The following RNF13 variants were observed in gnomAD, a reference collection of about 807,000 sequenced individuals.
The protein encoded by RNF13 is E3 ubiquitin-protein ligase RNF13.
RNF13 carries 19 observed loss-of-function variants against 37.7 expected under a neutral mutation model. That is an observed-to-expected ratio of 0.50 (90% CI 0.35 to 0.74). RNF13 has a LOEUF of 0.74. Among genes scored for constraint, RNF13 ranks in the 30% least tolerant of loss-of-function variants. RNF13 has a pLI of 0.01. For synonymous variants in RNF13, 144 were observed against 157.8 expected, an observed-to-expected ratio of 0.91 and a Z score of 0.65; for missense variants, 375 against 453.0, an observed-to-expected ratio of 0.83 and a Z score of 1.56.
At chr3:149,944,892 T>C (rs1465766591) in intron 8 of RNF13, among the ~76,000 whole-genome samples, 2 of 152,196 alleles carry the variant, frequency 1.3e-5, no homozygotes, top group East Asian at 3.9e-4. Context: ...CCCATGCCTA[T>C]GTCCTGAATG....
At chr3:149,826,588 T>G (rs1360844411) in intron 1 of RNF13, among the ~76,000 whole-genome samples, 1 of 152,190 alleles carries the variant, frequency 6.6e-6, no homozygotes, top group Non-Finnish European at 1.5e-5. Context: ...TCTTAATATT[T>G]TCGTGTATTT....
At chr3:149,845,912 T>C in intron 1 of RNF13, 99 bp from the exon 2 acceptor site, 1 of 606,048 alleles carries the variant, frequency 1.7e-6, no homozygotes, top group Non-Finnish European at 2.9e-6. Context: ...TGTTTATAAT[T>C]AAAAGGGATA....
chr3:149,818,421 C>T (rs751850217), intron 1 of RNF13, among the ~76,000 whole-genome samples: 3 of 152,132 alleles, frequency 2.0e-5, no homozygotes, highest in Admixed American at 6.6e-5. Flanking sequence ...CTTTCTTATT[C>T]GCATTTGTCT....
At chr3:149,854,970 C>T (rs1576768724) in intron 3 of RNF13, among the ~76,000 whole-genome samples, 1 of 152,052 alleles carries the variant, frequency 6.6e-6, no homozygotes, top group Non-Finnish European at 1.5e-5. Context: ...AGGTGGAATG[C>T]GTAGTGGGTT....
chr3:149,910,718 A>G (rs904362475), intron 6 of RNF13, among the ~76,000 whole-genome samples: 11 of 152,212 alleles, frequency 7.2e-5, no homozygotes, highest in Admixed American at 4.6e-4. Flanking sequence ...GCAGTGGATA[A>G]CAGAGTAGCT....
intron 8 of RNF13, among the ~76,000 whole-genome samples, chr3:149,953,499 T>C (rs1027603259): frequency 2.6e-5 from 4 of 152,212 alleles, no homozygotes; most frequent in African/African-American, 9.6e-5. Context: ...GTTAAATATC[T>C]GAAGAAAAAA....
At chr3:149,928,162 A>G (rs916383849) in intron 8 of RNF13, among the ~76,000 whole-genome samples, 2 of 152,034 alleles carry the variant, frequency 1.3e-5, no homozygotes, top group Admixed American at 1.3e-4. Context: ...TCAAAATTCC[A>G]AGAACTTTTT....
chr3:149,877,143 T>C (rs187415307), intron 4 of RNF13, among the ~76,000 whole-genome samples: 12 of 152,254 alleles, frequency 7.9e-5, no homozygotes, highest in African/African-American at 2.9e-4. Context: ...GAGAAAAATA[T>C]CATGTTTTAG....
chr3:149,885,725 C>T (rs535620938), intron 4 of RNF13, among the ~76,000 whole-genome samples: 2 of 152,166 alleles, frequency 1.3e-5, no homozygotes, highest in East Asian at 3.9e-4. Context: ...GCGTGGAAGG[C>T]TTTTATCTTG....
intron 6 of RNF13, among the ~76,000 whole-genome samples, chr3:149,904,735 T>G (rs1276357235): frequency 6.6e-6 from 1 of 151,792 alleles, no homozygotes; most frequent in African/African-American, 2.4e-5. Flanking sequence ...ATCATCCATC[T>G]TGTCCATCTT....
In RNF13 at chr3:149,847,167, T is replaced by G. The variant is rs966022597; in HGVS notation, c.114+1027T>G. 2.0e-5 allele frequency among the ~76,000 whole-genome samples: 3 copies of G among 152,194 alleles called. No individual in the cohort carries two copies. In the South Asian group the frequency reaches 6.2e-4, roughly 31 times the overall value. ...AAGTTGAAAATATCATAAGTAGAAT[T>G]TGACTTATGAAACATTTTTGACTTA... On this transcript the variant is annotated intron_variant, in intron 2 of 9. Coordinates refer to ENST00000392894, the MANE Select transcript of RNF13 (RefSeq NM_183381.3).
At chr3:149,914,701 A>G (rs1005764031) in intron 7 of RNF13, among the ~76,000 whole-genome samples, 1 of 151,988 alleles carries the variant, frequency 6.6e-6, no homozygotes, top group Non-Finnish European at 1.5e-5. Context: ...TTGGGAGGCC[A>G]AGGCGGGCGG....
chr3:149,835,102 G>T (rs1166989164), intron 1 of RNF13, among the ~76,000 whole-genome samples: 1 of 151,936 alleles, frequency 6.6e-6, no homozygotes, highest in African/African-American at 2.4e-5. Context: ...CACAACATTG[G>T]AATTGTCAAT....
chr3:149,873,253 G>A (rs1712293220), intron 4 of RNF13, among the ~76,000 whole-genome samples: 2 of 152,054 alleles, frequency 1.3e-5, no homozygotes, highest in Non-Finnish European at 2.9e-5. Flanking sequence ...GTAATTTCTG[G>A]ACTCGGTACA....
intron 4 of RNF13, among the ~76,000 whole-genome samples, chr3:149,880,266 G>A (rs2108459359): frequency 6.6e-6 from 1 of 152,266 alleles, no homozygotes; most frequent in Non-Finnish European, 1.5e-5. Context: ...CTGAAATGGG[G>A]CCTCTGCTAT....
chr3:149,890,299 C>T (rs1291419153), intron 4 of RNF13, among the ~76,000 whole-genome samples: 3 of 152,176 alleles, frequency 2.0e-5, no homozygotes, highest in Non-Finnish European at 4.4e-5. Context: ...CATGTCAACC[C>T]CTTATTCAAG....
At chr3:149,856,241 G>A (rs968699345) in intron 3 of RNF13, among the ~76,000 whole-genome samples, 10 of 152,042 alleles carry the variant, frequency 6.6e-5, no homozygotes, top group African/African-American at 1.4e-4. Context: ...TTATAGTTGC[G>A]TGACTGGTTT....
intron 4 of RNF13, chr3:149,893,744 G>A (rs1714957024): frequency 6.6e-6 from 1 of 152,138 alleles, no homozygotes; most frequent in Admixed American, 6.5e-5. Context: ...AACATTCATA[G>A]TTGGATAACA....
chr3:149,900,877 G>C (rs987325856), intron 5 of RNF13, among the ~76,000 whole-genome samples: 1 of 151,972 alleles, frequency 6.6e-6, no homozygotes, highest in African/African-American at 2.4e-5. Context: ...GAGAATGTAT[G>C]AGAGTTGAAC....
Sources: gnomAD v4.1 joint callset for allele counts (sites outside exome capture counted in the v4.1 genomes callset) on GRCh38, gnomAD v4.1.1 for gene constraint, MANE v1.5 for transcripts, NCBI Gene and HGNC (gene_info 2026-07-23, HGNC 2026-07-21) for gene names.